Variants in SCAF4 observed in about 807,000 individuals in gnomAD.
The protein encoded by SCAF4 is SR-related CTD associated factor 4.
Under a neutral mutation model 129.8 loss-of-function variants are expected in SCAF4, and 25 were observed. The ratio of observed to expected loss-of-function variants is 0.19; its 90% CI spans 0.14 to 0.27. The LOEUF is 0.27. SCAF4 is among the 10% of genes least tolerant of loss of function. SCAF4 has a pLI of 1.00. For missense variants in SCAF4, 1,246 were observed against 1,457.1 expected (o/e 0.86, Z 2.36); for synonymous variants, 551 against 497.7 (o/e 1.11, Z -1.43).
intron 1 of SCAF4, among the ~76,000 whole-genome samples, chr21:31,731,083 TTC>T (rs1210569601): frequency 6.6e-6 from 1 of 152,188 alleles, no homozygotes; most frequent in Non-Finnish European, 1.5e-5. Flanking sequence ...TTAGCCCTAT[TTC>T]CCAAGTGCGT....
chr21:31,690,219 T>C (rs2050226606), intron 15 of SCAF4, among the ~76,000 whole-genome samples: 1 of 152,162 alleles, frequency 6.6e-6, no homozygotes, highest in African/African-American at 2.4e-5. Context: ...GTGCAGTGGC[T>C]CACGCCTGTA....
Position 31,696,633 on chromosome 21 carries a change from T to A in SCAF4, c.895A>T (p.Thr299Ser), listed in dbSNP as rs747474281. 1.2e-6 allele frequency: 2 copies of A among 1,611,640 alleles called. No homozygotes were observed. The highest frequency in any genetic ancestry group is 1.7e-6 in the Non-Finnish European group (2 of 1,179,078). Residue 299 changes from threonine to serine, a missense_variant, in exon 8 of 20, where the codon ACC (threonine) becomes TCC (serine). Physicochemically the swap from Thr to Ser is moderately conservative, Grantham distance 58. This residue lies in a region of SCAF4 where 236 missense variants were observed against 210.0 expected (regional missense o/e 1.12). Transcript: ENST00000286835. Reference protein sequence around the residue: ...APAAAVPPAPTATVPAAAAPA... With the variant: ...APAAAVPPAPSATVPAAAAPA... ...GCAGCAGCAGCAGGCACGGTGGCGG[T>A]GGGTGCAGGGGGTACTGCGGCAGCA... is the stretch of plus-strand genomic sequence containing the variant.
At chr21:31,729,110 A>G (rs1430893870) in intron 1 of SCAF4, among the ~76,000 whole-genome samples, 2 of 152,212 alleles carry the variant, frequency 1.3e-5, no homozygotes, top group African/African-American at 4.8e-5. Context: ...AACAGTTTTG[A>G]TTACATTATC....
At chr21:31,677,117 AAG>A (rs1188507992) in intron 19 of SCAF4, among the ~76,000 whole-genome samples, 1 of 152,062 alleles carries the variant, frequency 6.6e-6, no homozygotes, top group African/African-American at 2.4e-5. Flanking sequence ...TCTTTAGAAA[AAG>A]ACTTTTTCAT....
At chr21:31,730,057 A>C (rs1167382935) in intron 1 of SCAF4, among the ~76,000 whole-genome samples, 2 of 152,256 alleles carry the variant, frequency 1.3e-5, no homozygotes, top group African/African-American at 2.4e-5. Flanking sequence ...TGTTGGGAGA[A>C]AAATGTACTT....
At chr21:31,723,629 T>TGTGCGCGCGC (rs1271033175) in intron 1 of SCAF4, among the ~76,000 whole-genome samples, 1 of 149,000 alleles carries the variant, frequency 6.7e-6, no homozygotes, top group African/African-American at 2.5e-5. Flanking sequence ...TGTGTGTGTG[T>TGTGCGCGCGC]GCGCGCGCGC....
At chr21:31,720,812 C>T (rs764316263) in intron 1 of SCAF4, among the ~76,000 whole-genome samples, 3 of 152,246 alleles carry the variant, frequency 2.0e-5, no homozygotes, top group East Asian at 3.9e-4. Context: ...TAAAATAGTA[C>T]GTCAAAACTA....
At chr21:31,689,866 C>T (rs1237842849) in intron 15 of SCAF4, among the ~76,000 whole-genome samples, 1 of 151,652 alleles carries the variant, frequency 6.6e-6, no homozygotes, top group Non-Finnish European at 1.5e-5. Context: ...ACCCGGGAGG[C>T]ACAGGTTGCA....
intron 5 of SCAF4, 121 bp downstream of exon 5, chr21:31,702,123 C>T: frequency 2.1e-6 from 3 of 1,407,212 alleles, no homozygotes; most frequent in Non-Finnish European, 3.0e-6. Flanking sequence ...ATCATACCTT[C>T]CAAGATGTAA....
chr21:31,677,174 C>T (rs1399393823), intron 19 of SCAF4, among the ~76,000 whole-genome samples: 1 of 152,152 alleles, frequency 6.6e-6, no homozygotes, highest in African/African-American at 2.4e-5. Flanking sequence ...GCACCTGAAT[C>T]CACATTACTC....
chr21:31,684,724 A>T (rs576092644), intron 19 of SCAF4: 12 of 310,856 alleles, frequency 3.9e-5, no homozygotes, highest in Non-Finnish European at 6.7e-5. Flanking sequence ...CGAACTCTGT[A>T]CCAATTCCTT....
At chr21:31,728,049 T>C (rs528776665) in intron 1 of SCAF4, among the ~76,000 whole-genome samples, 2 of 152,316 alleles carry the variant, frequency 1.3e-5, no homozygotes, top group East Asian at 3.9e-4. Flanking sequence ...GAGATGGACG[T>C]CTTTTACTAC....
intron 19 of SCAF4, among the ~76,000 whole-genome samples, chr21:31,683,089 T>C (rs931947906): frequency 6.6e-6 from 1 of 152,250 alleles, no homozygotes; most frequent in Non-Finnish European, 1.5e-5. Context: ...TAAACCCTTC[T>C]GGATTTAGAA....
At chr21:31,681,370 TTG>T (rs2049990977) in intron 19 of SCAF4, among the ~76,000 whole-genome samples, 1 of 152,244 alleles carries the variant, frequency 6.6e-6, no homozygotes. Flanking sequence ...AAACATTTTT[TTG>T]TGTATTCTTT....
intron 7 of SCAF4, among the ~76,000 whole-genome samples, chr21:31,700,393 A>G (rs983540453): frequency 2.0e-5 from 3 of 152,058 alleles, no homozygotes; most frequent in Admixed American, 1.3e-4. Context: ...GGTGTGAGCC[A>G]CCACACTTGG....
chr21:31,672,428 C>A, intron 19 of SCAF4, 74 bp from the exon 20 acceptor site: 1 of 1,165,498 alleles, frequency 8.6e-7, no homozygotes, highest in South Asian at 1.3e-5. Flanking sequence ...TTCTGTGGCG[C>A]TTAAAGCAAA....
chr21:31,731,169 CGCCGCG>C (rs1170792345), intron 1 of SCAF4, among the ~76,000 whole-genome samples: 8 of 152,326 alleles, frequency 5.3e-5, no homozygotes, highest in Non-Finnish European at 1.0e-4. Flanking sequence ...GCCGTCGACG[CGCCGCG>C]GCCTGAGCAA....
At chr21:31,702,058 G>T in intron 5 of SCAF4, 140 bp from the exon 6 acceptor site, 1 of 1,223,680 alleles carries the variant, frequency 8.2e-7, no homozygotes, top group Non-Finnish European at 1.1e-6. Flanking sequence ...AGTTTATACT[G>T]TAACAACTAC....
chr21:31,704,366 T>A (rs547914213), intron 3 of SCAF4, among the ~76,000 whole-genome samples: 1 of 152,076 alleles, frequency 6.6e-6, no homozygotes. Flanking sequence ...AAACAAGAAG[T>A]AGTTTTTGGC....
Sources: gnomAD v4.1 joint callset for allele counts (sites outside exome capture counted in the v4.1 genomes callset) on GRCh38, gnomAD v4.1.1 for gene constraint, gnomAD v4.1.1 regional missense constraint, MANE v1.5 for transcripts, NCBI Gene and HGNC (gene_info 2026-07-23, HGNC 2026-07-21) for gene names.